The following DOCK11 variants were observed in gnomAD, a reference collection of about 807,000 sequenced individuals.
DOCK11 encodes the protein dedicator of cytokinesis 11.
A neutral mutation model predicts 169.1 loss-of-function variants in DOCK11; 70 were observed. That is an observed-to-expected ratio of 0.41 (90% CI 0.34 to 0.51). The LOEUF (loss-of-function observed/expected upper bound fraction) is 0.51. Among genes scored for constraint, DOCK11 ranks in the 20% least tolerant of loss-of-function variants. The probability of loss-of-function intolerance (pLI) is 0.10; values close to 1 mark genes in which losing one functional copy is unlikely to be tolerated. For synonymous variants in DOCK11, 529 were observed against 541.3 expected (o/e 0.98, Z 0.32); for missense variants, 1,166 against 1,538.8 (o/e 0.76, Z 4.05).
At chrX:118,664,034 GTGA>G (rs772599627) in intron 45 of DOCK11, among the ~76,000 whole-genome samples, 2 of 110,975 alleles carry the variant, frequency 1.8e-5, no homozygotes, top group East Asian at 2.8e-4. Context: ...GGCTAATTTG[GTGA>G]TGATGTGGGA....
intron 1 of DOCK11, among the ~76,000 whole-genome samples, chrX:118,502,789 CAAAA>C (rs1234873608): frequency 1.0e-5 from 1 of 99,574 alleles, no homozygotes; most frequent in Non-Finnish European, 2.2e-5. Flanking sequence ...AACAAACAAA[CAAAA>C]AAACAGTATT....
At chrX:118,552,108 A>C (rs1025979211) in intron 6 of DOCK11, among the ~76,000 whole-genome samples, 1 of 110,908 alleles carries the variant, frequency 9.0e-6, no homozygotes, top group African/African-American at 3.3e-5. Flanking sequence ...CGTGAGAGAA[A>C]GTGCAAAAAT....
chrX:118,549,106 CTGTGTGTGTGTGTG>C (rs57680469), intron 6 of DOCK11, among the ~76,000 whole-genome samples: 1 of 99,121 alleles, frequency 1.0e-5, no homozygotes, highest in Non-Finnish European at 2.0e-5. Context: ...TGCTCATATT[CTGTGTGTGTGTGTG>C]TGTGTGTGTG....
intron 51 of DOCK11, among the ~76,000 whole-genome samples, chrX:118,682,830 C>A (rs928808167): frequency 2.7e-5 from 3 of 111,626 alleles, no homozygotes; most frequent in African/African-American, 9.8e-5. Context: ...AGTAGGCTTT[C>A]CAGAGGGTAT....
intron 40 of DOCK11, among the ~76,000 whole-genome samples, chrX:118,648,080 A>AAT (rs1408238701): frequency 6.6e-5 from 4 of 60,188 alleles, no homozygotes; most frequent in Non-Finnish European, 7.9e-5. Context: ...TAATATATAT[A>AAT]ATATAAATTG....
At position 118,531,451 on chromosome X, in the gene DOCK11, A is replaced by C. The variant is rs981953330; in HGVS notation, c.103-11274A>C. Reference sequence around the variant, plus strand: ...AAAAAAAAAAAAAAAAAAAAAAAAAACAGGAAGTGAAGCTGAGTAATTTTA... The same window carrying C: ...AAAAAAAAAAAAAAAAAAAAAAAAACCAGGAAGTGAAGCTGAGTAATTTTA... On this transcript the variant is annotated intron_variant, in intron 1 of 52. Transcript: ENST00000276202. 3.6e-3 allele frequency among the ~76,000 whole-genome samples: 270 copies of C among 75,493 alleles called. 1 individual carries two copies. Among genetic ancestry groups the C allele is most frequent in the African/African-American group, 0.012 (257 of 22,250 alleles). The allele number at this position is 75,493 out of a possible 115,157, so 65.6% of individuals were successfully genotyped here. A position where few individuals can be genotyped will look rare whatever the true frequency, so the allele number is the denominator to read the frequency against.
chrX:118,672,660 C>A, intron 46 of DOCK11, among the ~76,000 whole-genome samples: 1 of 112,843 alleles, frequency 8.9e-6, no homozygotes, highest in East Asian at 2.8e-4. Flanking sequence ...TGGTCTCGAT[C>A]TCCTGACCTT....
At chrX:118,506,268 AC>A (rs1415557385) in intron 1 of DOCK11, among the ~76,000 whole-genome samples, 2 of 110,266 alleles carry the variant, frequency 1.8e-5, no homozygotes, top group African/African-American at 6.6e-5. Flanking sequence ...AAAAAAAAAA[AC>A]AACAAAAAAC....
rs774851174 is a variant in DOCK11, at chrX:118,543,576, C to T, written c.375C>T (p.Asp125=). 8 of 1,205,089 alleles carry T rather than the reference C, an allele frequency of 6.6e-6. No homozygotes were observed. The South Asian group carries it at 1.4e-4, about 21-fold the overall frequency. Reference sequence around the variant, plus strand: ...ACAAGTATGAGGACTTCTCTGGGGACTTTCGAATGTTGCCATGGTAAGTTT... The same window carrying T: ...ACAAGTATGAGGACTTCTCTGGGGATTTTCGAATGTTGCCATGGTAAGTTT... The part of the protein sequence containing the change: ...VNYKYEDFSG[D]FRMLPCKSLR... The change falls in exon 4 of 53, where the codon GAC becomes GAT. Residue 125 remains aspartate (D), a synonymous_variant. Coordinates refer to ENST00000276202, the MANE Select transcript of DOCK11 (RefSeq NM_144658.4).
chrX:118,532,780 C>CAAAA lies in DOCK11; in HGVS notation c.103-9930_103-9927dup, dbSNP rs140455489. Reference sequence around the variant, plus strand: ...TGGGCGACAGAGCGAGACTCTGTCTCAAAAAAAAAAAAAAAAAAGAAGGTG... The same window carrying CAAAA: ...TGGGCGACAGAGCGAGACTCTGTCTCAAAAAAAAAAAAAAAAAAAAAAGAAGGTG... On this transcript the variant is annotated intron_variant, in intron 1 of 52. Coordinates refer to ENST00000276202, the MANE Select transcript of DOCK11 (RefSeq NM_144658.4). Among the ~76,000 whole-genome samples the CAAAA allele has an allele frequency of 4.1e-3, 192 of 46,646 alleles. 3 individuals are homozygous for CAAAA. The highest frequency in any genetic ancestry group is 9.8e-3 in the African/African-American group (106 of 10,799). 40.5% of individuals were successfully genotyped at this position (46,646 alleles called of 115,157 possible).
chrX:118,550,438 C>CA lies in DOCK11; in HGVS notation c.558+4333dup, dbSNP rs1350763160. 4.6e-3 allele frequency among the ~76,000 whole-genome samples: 472 copies of CA among 101,618 alleles called. 3 individuals are homozygous for CA. The highest frequency in any genetic ancestry group is 0.014 in the African/African-American group (401 of 27,976). 88.2% of individuals were successfully genotyped at this position (101,618 alleles called of 115,157 possible). ...TGGGTGACAGAGTGACACCTTATCT[C>CA]AAAAAAAAAAAGTGTTTTAACTGTT... On this transcript the variant is annotated intron_variant, in intron 6 of 52. Coordinates refer to ENST00000276202, the MANE Select transcript of DOCK11 (RefSeq NM_144658.4).
chrX:118,609,396 T>C (rs367555836), intron 27 of DOCK11, 47 bp downstream of exon 27: 6 of 948,670 alleles, frequency 6.3e-6, no homozygotes, highest in Non-Finnish European at 8.8e-6. Context: ...CAAATGATAA[T>C]TGTATATATA....
At chrX:118,564,013 C>T (rs2012994535) in intron 7 of DOCK11, among the ~76,000 whole-genome samples, 1 of 112,170 alleles carries the variant, frequency 8.9e-6, no homozygotes, top group Non-Finnish European at 1.9e-5. Flanking sequence ...GGAAAAATAA[C>T]TCTCACCAAA....
intron 44 of DOCK11, among the ~76,000 whole-genome samples, chrX:118,658,440 AGGGCTTAGGGGCCCT>A (rs1373790132): frequency 1.8e-5 from 2 of 112,648 alleles, no homozygotes; most frequent in African/African-American, 6.4e-5. Context: ...TAAGCAGGGA[AGGGCTTAGGGGCCCT>A]TGCCCCTCAA....
chrX:118,668,470 T>C (rs2016389344), intron 45 of DOCK11, among the ~76,000 whole-genome samples: 1 of 111,510 alleles, frequency 9.0e-6, no homozygotes, highest in Non-Finnish European at 1.9e-5. Context: ...CACCTTATTT[T>C]TAATTCCCCC....
intron 24 of DOCK11, among the ~76,000 whole-genome samples, chrX:118,605,918 C>T (rs1211084059): frequency 1.8e-5 from 2 of 110,610 alleles, no homozygotes; most frequent in Admixed American, 1.9e-4. Flanking sequence ...CTTTCATGTT[C>T]GTTAATATTT....
intron 14 of DOCK11, among the ~76,000 whole-genome samples, chrX:118,583,362 G>A (rs761241156): frequency 9.1e-6 from 1 of 110,241 alleles, no homozygotes; most frequent in African/African-American, 3.3e-5. Context: ...AAACCACCAT[G>A]GCACATGTAT....
Position 118,649,332 on chromosome X carries a change from T to C in DOCK11, c.4581+205T>C. ...GTATGAAAAAAATAGAAGATCTCAA[T>C]TGTTTTATATTGATTATATGTTGAA... On this transcript the variant is annotated intron_variant, in intron 41 of 52. Coordinates refer to ENST00000276202, the MANE Select transcript of DOCK11 (RefSeq NM_144658.4). Among the ~76,000 whole-genome samples the C allele has an allele frequency of 2.7e-5, 3 of 111,391 alleles. No homozygotes were observed. The South Asian group carries it at 1.1e-3, about 42-fold the overall frequency.
rs984864080 is a variant in DOCK11, at chrX:118,649,185, A to G, written c.4581+58A>G. The G allele has an allele frequency of 3.9e-6, 4 of 1,016,319 alleles. No homozygotes were observed. The African/African-American group carries it at 5.8e-5, about 15-fold the overall frequency. 83.8% of individuals were successfully genotyped at this position (1,016,319 alleles called of 1,213,427 possible). A position where few individuals can be genotyped will look rare whatever the true frequency, so the allele number is the denominator to read the frequency against. ...CTTCTCTTCAATCTTTAACCTCTAGATCAAGATCCAGAGCCACCCAATCCA... is the reference window on the plus strand; with the variant it reads ...CTTCTCTTCAATCTTTAACCTCTAGGTCAAGATCCAGAGCCACCCAATCCA... On this transcript the variant is annotated intron_variant, in intron 41 of 52. Transcript: ENST00000276202.
Sources: gnomAD v4.1 joint callset for allele counts (sites outside exome capture counted in the v4.1 genomes callset) on GRCh38, gnomAD v4.1.1 for gene constraint, MANE v1.5 for transcripts, NCBI Gene and HGNC (gene_info 2026-07-23, HGNC 2026-07-21) for gene names.